The following CCDC146 variants were observed in gnomAD, a reference collection of about 807,000 sequenced individuals.
CCDC146 encodes the protein coiled-coil domain-containing protein 146.
In CCDC146, 92 loss-of-function variants were observed where a neutral mutation model predicts 119.3. The ratio of observed to expected loss-of-function variants is 0.77; its 90% CI spans 0.65 to 0.92. The LOEUF (loss-of-function observed/expected upper bound fraction) is 0.92. Ranked by LOEUF, CCDC146 falls within the 40% of genes least tolerant of loss-of-function variation. CCDC146 has a pLI of 0.00. For synonymous variants in CCDC146, 372 were observed against 371.8 expected (o/e 1.00, Z -0.01); for missense variants, 1,000 against 1,103.0 (o/e 0.91, Z 1.32).
At chr7:77,265,275 C>G (rs1327091261) in intron 9 of CCDC146, among the ~76,000 whole-genome samples, 1 of 152,140 alleles carries the variant, frequency 6.6e-6, no homozygotes, top group African/African-American at 2.4e-5. Context: ...GTTGCTTGTA[C>G]TAATAAAACA....
chr7:77,130,418 A>G (rs2117391247), intron 1 of CCDC146, among the ~76,000 whole-genome samples: 1 of 152,226 alleles, frequency 6.6e-6, no homozygotes, highest in East Asian at 1.9e-4. Context: ...GTACAGACCC[A>G]AAGAGCATAG....
rs373386696 is a variant in CCDC146, at chr7:77,209,528, A to G, written c.157-27419A>G. ...CACGGTGCAAGCTGTTGGTGGATCT[A>G]TCATTCTGGGGCCTGGAGGACGATG... is the stretch of plus-strand genomic sequence containing the variant. On this transcript the variant is annotated intron_variant, in intron 2 of 18. Coordinates refer to ENST00000285871, the MANE Select transcript of CCDC146 (RefSeq NM_020879.3). Among the ~76,000 whole-genome samples, 484 of 152,258 alleles carry G rather than the reference A, an allele frequency of 3.2e-3. 5 individuals are homozygous for G. Among genetic ancestry groups the G allele is most frequent in the African/African-American group, 4.9e-3 (203 of 41,550 alleles).
chr7:77,178,709 C>G (rs573291294), intron 2 of CCDC146, among the ~76,000 whole-genome samples: 3 of 152,158 alleles, frequency 2.0e-5, no homozygotes, highest in Non-Finnish European at 4.4e-5. Context: ...AACTTTGATA[C>G]TGGCTTTCTA....
intron 2 of CCDC146, among the ~76,000 whole-genome samples, chr7:77,173,497 T>G (rs1301708422): frequency 6.6e-6 from 1 of 151,780 alleles, no homozygotes; most frequent in Non-Finnish European, 1.5e-5. Flanking sequence ...GGTGTGGTGG[T>G]GCATGCCTGT....
chr7:77,227,197 A>C (rs1792530855), intron 2 of CCDC146, among the ~76,000 whole-genome samples: 1 of 152,206 alleles, frequency 6.6e-6, no homozygotes, highest in Non-Finnish European at 1.5e-5. Context: ...AATGATAGAG[A>C]CAGAAAACAG....
intron 3 of CCDC146, among the ~76,000 whole-genome samples, chr7:77,238,001 C>T (rs1261315182): frequency 6.6e-6 from 1 of 152,208 alleles, no homozygotes; most frequent in African/African-American, 2.4e-5. Context: ...CCAATCACTT[C>T]CCCTCCTTCT....
chr7:77,224,313 C>T (rs1165548244), intron 2 of CCDC146, among the ~76,000 whole-genome samples: 4 of 152,326 alleles, frequency 2.6e-5, no homozygotes, highest in African/African-American at 7.2e-5. Context: ...TTCCTTGACT[C>T]ATGACCGCCT....
At chr7:77,141,534 A>G (rs2117418107) in intron 1 of CCDC146, among the ~76,000 whole-genome samples, 1 of 152,290 alleles carries the variant, frequency 6.6e-6, no homozygotes, top group Admixed American at 6.5e-5. Flanking sequence ...CACTCCCACC[A>G]ACACAGTAAA....
At chr7:77,241,183 G>T (rs1452243660) in intron 3 of CCDC146, among the ~76,000 whole-genome samples, 1 of 148,456 alleles carries the variant, frequency 6.7e-6, no homozygotes. Flanking sequence ...TCAGCCTCCC[G>T]AGTAGCTGGG....
chr7:77,220,599 C>A (rs540274452), intron 2 of CCDC146, among the ~76,000 whole-genome samples: 2 of 152,276 alleles, frequency 1.3e-5, no homozygotes, highest in Admixed American at 1.3e-4. Flanking sequence ...TCAGCCAGTC[C>A]CTCTGTTAGG....
intron 1 of CCDC146, among the ~76,000 whole-genome samples, chr7:77,166,060 T>C (rs1413483597): frequency 1.3e-5 from 2 of 152,214 alleles, no homozygotes; most frequent in African/African-American, 4.8e-5. Flanking sequence ...TATTTTATTT[T>C]TGTAATTGAA....
chr7:77,146,685 A>G (rs1027168064), intron 1 of CCDC146, among the ~76,000 whole-genome samples: 1 of 151,826 alleles, frequency 6.6e-6, no homozygotes, highest in African/African-American at 2.4e-5. Flanking sequence ...GTTTGGCTGG[A>G]TATGAAATTC....
intron 2 of CCDC146, among the ~76,000 whole-genome samples, chr7:77,226,191 ATTGT>A (rs377684892): frequency 6.8e-4 from 104 of 152,308 alleles, no homozygotes; most frequent in Admixed American, 9.8e-4. Context: ...AAATGGCCGT[ATTGT>A]TTATTTCCAG....
chr7:77,272,107 C>T (rs2150531372), intron 9 of CCDC146, among the ~76,000 whole-genome samples: 1 of 152,218 alleles, frequency 6.6e-6, no homozygotes, highest in East Asian at 1.9e-4. Flanking sequence ...GAGAAATCAA[C>T]ACTTCCTTGA....
chr7:77,221,355 A>AGT (rs1792399674), intron 2 of CCDC146, among the ~76,000 whole-genome samples: 2 of 152,352 alleles, frequency 1.3e-5, no homozygotes, highest in South Asian at 4.1e-4. Flanking sequence ...CTGTATAGCA[A>AGT]GTGTGTATTC....
At chr7:77,272,753 C>T (rs1408455787) in intron 9 of CCDC146, among the ~76,000 whole-genome samples, 1 of 152,182 alleles carries the variant, frequency 6.6e-6, no homozygotes, top group African/African-American at 2.4e-5. Flanking sequence ...CTGACAAGCT[C>T]ATTCCTAATA....
chr7:77,256,265 G>A, intron 5 of CCDC146, 68 bp from the exon 6 acceptor site: 1 of 1,155,242 alleles, frequency 8.7e-7, no homozygotes, highest in South Asian at 1.6e-5. Flanking sequence ...ATTAGTTTTA[G>A]TTCAGTTTTT....
At chr7:77,173,752 G>A (rs970549815) in intron 2 of CCDC146, among the ~76,000 whole-genome samples, 1 of 151,922 alleles carries the variant, frequency 6.6e-6, no homozygotes, top group African/African-American at 2.4e-5. Flanking sequence ...ATGAGGCCTG[G>A]TACTCCAGAC....
intron 2 of CCDC146, among the ~76,000 whole-genome samples, chr7:77,178,064 T>G (rs891878655): frequency 2.0e-5 from 3 of 152,200 alleles, no homozygotes; most frequent in African/African-American, 7.2e-5. Context: ...GACACTAAGA[T>G]TATAAGAATA....
Sources: gnomAD v4.1 joint callset for allele counts (sites outside exome capture counted in the v4.1 genomes callset) on GRCh38, gnomAD v4.1.1 for gene constraint, MANE v1.5 for transcripts, NCBI Gene and HGNC (gene_info 2026-07-23, HGNC 2026-07-21) for gene names.